The following TACC2 variants were observed in gnomAD, a reference collection of about 807,000 sequenced individuals.
The protein encoded by TACC2 is transforming acidic coiled-coil-containing protein 2.
Under a neutral mutation model 227.3 loss-of-function variants are expected in TACC2, and 137 were observed. That is an observed-to-expected ratio of 0.60 (90% confidence interval 0.52 to 0.69). The LOEUF is 0.69. Ranked by LOEUF, TACC2 falls within the 30% of genes least tolerant of loss-of-function variation. TACC2 has a pLI of 0.00. For missense variants in TACC2, 3,470 were observed against 3,694.4 expected (o/e 0.94, Z 1.57); for synonymous variants, 1,523 against 1,487.5 (o/e 1.02, Z -0.55).
At chr10:122,040,660 A>G (rs1028772622) in intron 2 of TACC2, among the ~76,000 whole-genome samples, 1 of 139,992 alleles carries the variant, frequency 7.1e-6, no homozygotes, top group Non-Finnish European at 1.5e-5. Context: ...ATTCAATCCT[A>G]TTATTATAAT....
At chr10:122,128,134 C>G (rs543899930) in intron 5 of TACC2, among the ~76,000 whole-genome samples, 5 of 152,016 alleles carry the variant, frequency 3.3e-5, no homozygotes, top group Non-Finnish European at 5.9e-5. Context: ...TCAGAGTTCT[C>G]GGTGATCAAG....
chr10:122,029,840 C>T (rs866768785), intron 2 of TACC2, among the ~76,000 whole-genome samples: 5 of 129,294 alleles, frequency 3.9e-5, no homozygotes, highest in Non-Finnish European at 7.8e-5. Context: ...TCTTTGGGGT[C>T]TTAGGGATGC....
chr10:122,015,812 T>G (rs1304685909), intron 1 of TACC2, among the ~76,000 whole-genome samples: 1 of 151,660 alleles, frequency 6.6e-6, no homozygotes, highest in Non-Finnish European at 1.5e-5. Context: ...AGATCGCTGG[T>G]GCAGGATTTA....
intron 5 of TACC2, among the ~76,000 whole-genome samples, chr10:122,131,215 T>C (rs1234826227): frequency 6.7e-6 from 1 of 149,506 alleles, no homozygotes; most frequent in Non-Finnish European, 1.5e-5. Flanking sequence ...GACTCTTGCC[T>C]GAAGCTGTCC....
At chr10:122,245,793 C>T (rs956410400) in intron 19 of TACC2, among the ~76,000 whole-genome samples, 3 of 152,156 alleles carry the variant, frequency 2.0e-5, no homozygotes, top group Admixed American at 6.5e-5. Flanking sequence ...TACATTTTCT[C>T]ATTTAATCTC....
chr10:122,112,808 A>G (rs10887076), intron 5 of TACC2, among the ~76,000 whole-genome samples: 113,602 of 152,052 alleles, frequency 0.75, 44,760 homozygotes, highest in East Asian at 0.93. Context: ...CTGTGCGTCC[A>G]TCGGTCCGTG....
At position 122,211,162 on chromosome 10, in the gene TACC2, C is replaced by T. The variant is rs1168179643; in HGVS notation, c.6737C>T (p.Thr2246Ile). 2 of 1,611,686 alleles carry T rather than the reference C, an allele frequency of 1.2e-6. No homozygotes were observed. Among genetic ancestry groups the T allele is most frequent in the Admixed American group, 3.4e-5 (2 of 59,676 alleles). ...ACGGCCCCGGAGGCAGGGGAGGTAA[C>T]CCCATCGGATAGCGGGGGGCAAGAG... ...LTTAPEAGEV[T>I]PSDSGGQEDS... Residue 2246 changes from threonine to isoleucine, a missense_variant, in exon 9 of 23, where the codon ACC becomes ATC. Transcript: ENST00000369005.
rs1177216573 is a variant in TACC2, at chr10:122,050,714, G to C, written c.146+164G>C. On this transcript the variant is annotated intron_variant, in intron 3 of 22. Transcript: ENST00000369005. The surrounding 1 kb of genome is among the most constrained non-coding windows in gnomAD (Gnocchi z 4.6). The stretch of plus-strand genomic sequence containing the variant: ...CAAGCAGTGGTTCACAGACCTCTCT[G>C]TGACTGGCTAGGCCTGCATGATTGA... The C allele has an allele frequency of 1.7e-6, 1 of 600,850 alleles. No homozygotes were observed. 37.2% of individuals were successfully genotyped at this position (600,850 alleles called of 1,614,324 possible).
In TACC2 at chr10:122,086,140, C is replaced by T. The variant is rs761093325; in HGVS notation, c.3640C>T (p.Gln1214Ter). ...GAGCACCATGGATTTTTCTACACAC[C>T]AGGCTGTCCCAGACCCAAAGGAGCT... ...PRSTMDFSTH[Q>*]AVPDPKELLL... Residue 1214 changes from glutamine to a stop codon, truncating the protein, a stop_gained, in exon 4 of 23, where the codon CAG becomes TAG. Transcript: ENST00000369005. LOFTEE classifies it high-confidence loss of function. 6.2e-7 allele frequency: 1 copy of T among 1,613,550 alleles called. No individual in the cohort carries two copies. Among genetic ancestry groups the T allele is most frequent in the Non-Finnish European group, 8.5e-7 (1 of 1,179,972 alleles).
intron 18 of TACC2, among the ~76,000 whole-genome samples, chr10:122,239,436 G>A (rs866246069): frequency 1.3e-5 from 2 of 152,204 alleles, no homozygotes; most frequent in African/African-American, 4.8e-5. Context: ...TCTCCTGTTC[G>A]TTCCTTCTTT....
In TACC2 at chr10:122,103,379, A is replaced by C. The variant is rs140234153; in HGVS notation, c.5573+14788A>C. Among the ~76,000 whole-genome samples, 315 of 152,340 alleles carry C rather than the reference A, an allele frequency of 2.1e-3. 5 individuals carry two copies. The highest frequency in any genetic ancestry group is 7.4e-3 in the African/African-American group (306 of 41,570). On this transcript the variant is annotated intron_variant, in intron 5 of 22. Coordinates refer to ENST00000369005, the MANE Select transcript of TACC2 (RefSeq NM_206862.4). Reference sequence around the variant, plus strand: ...AGCCTGCTTCCTCCATTGCCAGCTAAGGACAACAGCAGTACCTGCTGCATA... The same window carrying C: ...AGCCTGCTTCCTCCATTGCCAGCTACGGACAACAGCAGTACCTGCTGCATA...
chr10:122,160,783 A>G (rs1400607024), intron 7 of TACC2, among the ~76,000 whole-genome samples: 2 of 152,138 alleles, frequency 1.3e-5, no homozygotes, highest in East Asian at 3.9e-4. Context: ...AGGCCGAGTT[A>G]CTAGATCACC....
At chr10:122,012,697 G>A (rs974677049) in intron 1 of TACC2, among the ~76,000 whole-genome samples, 3 of 149,716 alleles carry the variant, frequency 2.0e-5, no homozygotes, top group Admixed American at 1.3e-4. Context: ...GGGGAGCAAA[G>A]AGTAGAAGTT....
intron 3 of TACC2, among the ~76,000 whole-genome samples, chr10:122,074,762 T>C (rs1368143232): frequency 2.0e-5 from 3 of 152,154 alleles, no homozygotes; most frequent in Non-Finnish European, 4.4e-5. Flanking sequence ...GTGAATTGAC[T>C]AGGTGACTGC....
intron 9 of TACC2, among the ~76,000 whole-genome samples, chr10:122,212,473 C>T (rs942890260): frequency 7.9e-5 from 12 of 152,180 alleles, no homozygotes; most frequent in African/African-American, 2.9e-4. Context: ...CCCCAGGACC[C>T]GGCTCTAATG....
intron 5 of TACC2, among the ~76,000 whole-genome samples, chr10:122,105,121 T>C (rs7093895): frequency 0.88 from 133,872 of 152,240 alleles, 60,432 homozygotes; most frequent in East Asian, 0.98. Flanking sequence ...TCTGTGAAGA[T>C]AGTGTGCTGT....
chr10:122,228,222 C>T (rs1436246989), intron 14 of TACC2, among the ~76,000 whole-genome samples: 1 of 152,202 alleles, frequency 6.6e-6, no homozygotes, highest in Non-Finnish European at 1.5e-5. Context: ...TTTTGCATTT[C>T]CCACTTAAGT....
intron 19 of TACC2, among the ~76,000 whole-genome samples, chr10:122,245,865 CAG>C (rs898857545): frequency 6.6e-6 from 1 of 152,132 alleles, no homozygotes. Context: ...GGCTGAGACT[CAG>C]AGAGTTTAAA....
intron 3 of TACC2, among the ~76,000 whole-genome samples, chr10:122,053,403 G>A (rs907221491): frequency 6.6e-6 from 1 of 151,970 alleles, no homozygotes; most frequent in Non-Finnish European, 1.5e-5. Flanking sequence ...CCCGCAACAC[G>A]TGGGAATTCA....
Sources: allele counts gnomAD v4.1 joint callset (sites outside exome capture counted in the v4.1 genomes callset), GRCh38; gene constraint gnomAD v4.1.1; non-coding constraint Gnocchi (gnomAD v3.1); transcripts MANE v1.5; gene names NCBI Gene and HGNC (gene_info 2026-07-23, HGNC 2026-07-21).